The following KCNK10 variants were observed in gnomAD, a reference collection of about 807,000 sequenced individuals.
KCNK10 encodes the protein potassium channel subfamily K member 10.
KCNK10 carries 25 observed loss-of-function variants against 47.7 expected under a neutral mutation model. That is an observed-to-expected ratio of 0.52 (90% CI 0.38 to 0.73). The LOEUF is 0.73. KCNK10 is among the 30% of genes least tolerant of loss of function. KCNK10 has a pLI of 0.00. For synonymous variants in KCNK10, 303 were observed against 285.6 expected (o/e 1.06, Z -0.61); for missense variants, 563 against 714.5 (o/e 0.79, Z 2.42).
chr14:88,285,252 C>G (rs1157372327), intron 1 of KCNK10, among the ~76,000 whole-genome samples: 1 of 152,072 alleles, frequency 6.6e-6, no homozygotes, highest in Non-Finnish European at 1.5e-5. Context: ...GCTGGGATTA[C>G]AGGCGCGCAC....
Position 88,213,955 on chromosome 14 carries a change from T to C in KCNK10, c.681+13420A>G, listed in dbSNP as rs12884507. On this transcript the variant is annotated intron_variant, in intron 4 of 6. Transcript: ENST00000319231. ...ATTATTATTATTATTATTATTATTA[T>C]TGAGACAGAGTTTCACTCGTGTTGC... is the stretch of plus-strand genomic sequence containing the variant. 8.0e-3 allele frequency among the ~76,000 whole-genome samples: 1,161 copies of C among 144,302 alleles called. 35 individuals are homozygous for C. The highest frequency in any genetic ancestry group is 0.044 in the Admixed American group (638 of 14,604). The allele number at this position is 144,302 out of a possible 152,430, so 94.7% of individuals were successfully genotyped here.
chr14:88,323,349 C>T (rs1392531194), upstream of KCNK10: 70 of 936,958 alleles, frequency 7.5e-5, no homozygotes, highest in Non-Finnish European at 8.5e-5. Context: ...CCCGGCGACG[C>T]CCCCCACTTC....
intron 4 of KCNK10, among the ~76,000 whole-genome samples, chr14:88,209,514 G>A (rs1885389471): frequency 6.6e-6 from 1 of 152,262 alleles, no homozygotes; most frequent in African/African-American, 2.4e-5. Context: ...CCTGCCGTCT[G>A]CACTCTTGCT....
At chr14:88,259,907 G>C (rs981856438) in intron 2 of KCNK10, among the ~76,000 whole-genome samples, 1 of 152,288 alleles carries the variant, frequency 6.6e-6, no homozygotes, top group Non-Finnish European at 1.5e-5. Flanking sequence ...TCTTGTGATA[G>C]TGAGTGAGTT....
At chr14:88,238,700 T>C (rs1387005839) in intron 3 of KCNK10, among the ~76,000 whole-genome samples, 1 of 152,128 alleles carries the variant, frequency 6.6e-6, no homozygotes, top group Non-Finnish European at 1.5e-5. Flanking sequence ...AAAATTTCCT[T>C]TGCACTCACA....
intron 1 of KCNK10, among the ~76,000 whole-genome samples, chr14:88,285,454 C>A (rs1887740467): frequency 6.6e-6 from 1 of 152,124 alleles, no homozygotes; most frequent in African/African-American, 2.4e-5. Flanking sequence ...TTGTGAGTGG[C>A]CTCTGTCTCT....
chr14:88,312,322 A>C (rs912620304), intron 1 of KCNK10, among the ~76,000 whole-genome samples: 2 of 152,086 alleles, frequency 1.3e-5, no homozygotes, highest in Non-Finnish European at 2.9e-5. Flanking sequence ...GATTGTAAAA[A>C]AATGTTTACT....
At chr14:88,278,604 A>T (rs1315468677) in intron 1 of KCNK10, among the ~76,000 whole-genome samples, 1 of 152,226 alleles carries the variant, frequency 6.6e-6, no homozygotes, top group East Asian at 1.9e-4. Flanking sequence ...GGAAAACACA[A>T]GAGAAAAACC....
At position 88,183,582 on chromosome 14, in the gene KCNK10, T is replaced by A. The variant is rs567768980; in HGVS notation, c.*1953A>T. 1 of 152,460 alleles carries A rather than the reference T, an allele frequency of 6.6e-6. No homozygotes were observed. Among genetic ancestry groups the A allele is most frequent in the Admixed American group, 6.5e-5 (1 of 15,308 alleles). The allele number at this position is 152,460 out of a possible 1,614,324, so 9.4% of individuals were successfully genotyped here. On this transcript the variant is annotated 3_prime_UTR_variant, in exon 7 of 7. Transcript: ENST00000319231. The stretch of plus-strand genomic sequence containing the variant: ...TAAACATCGCCTCCCAAGTGACTAT[T>A]TATTACTGAGTCGACACAGGATGTC...
intron 5 of KCNK10, among the ~76,000 whole-genome samples, chr14:88,189,183 G>A (rs897469912): frequency 2.0e-5 from 3 of 152,174 alleles, no homozygotes; most frequent in African/African-American, 7.2e-5. Context: ...CAAGAAATGT[G>A]ACCTGTGGCT....
chr14:88,255,181 T>C (rs1194956332), intron 2 of KCNK10, among the ~76,000 whole-genome samples: 2 of 152,126 alleles, frequency 1.3e-5, no homozygotes, highest in Admixed American at 1.3e-4. Flanking sequence ...GCCTTTTCCT[T>C]GGAGTAAAAG....
At chr14:88,213,402 T>A (rs1396101869) in intron 4 of KCNK10, among the ~76,000 whole-genome samples, 1 of 152,168 alleles carries the variant, frequency 6.6e-6, no homozygotes, top group African/African-American at 2.4e-5. Flanking sequence ...TGAAAATTGG[T>A]GATAAAGCAT....
chr14:88,284,228 G>A (rs1453434196), intron 1 of KCNK10, among the ~76,000 whole-genome samples: 1 of 151,996 alleles, frequency 6.6e-6, no homozygotes, highest in African/African-American at 2.4e-5. Context: ...TCCAGAACCT[G>A]GATTCTAGTG....
intron 4 of KCNK10, among the ~76,000 whole-genome samples, chr14:88,223,213 C>A (rs574671730): frequency 2.0e-5 from 3 of 152,248 alleles, no homozygotes; most frequent in South Asian, 2.1e-4. Context: ...GACTGTCCAA[C>A]CTTGGACTGG....
At chr14:88,207,060 A>G (rs913463874) in intron 4 of KCNK10, among the ~76,000 whole-genome samples, 4 of 152,206 alleles carry the variant, frequency 2.6e-5, no homozygotes, top group African/African-American at 7.2e-5. Context: ...GCAGCTCCCT[A>G]CAGACCCATC....
chr14:88,199,004 C>A (rs1230237989), intron 4 of KCNK10, among the ~76,000 whole-genome samples: 1 of 151,532 alleles, frequency 6.6e-6, no homozygotes, highest in African/African-American at 2.4e-5. Flanking sequence ...ACTGCAACTT[C>A]CGCCTCCCAG....
Position 88,186,063 on chromosome 14 carries a change from G to C in KCNK10, c.1104C>G (p.His368Gln), listed in dbSNP as rs201640910. 5.0e-6 allele frequency: 8 copies of C among 1,612,866 alleles called. No individual in the cohort carries two copies. Among genetic ancestry groups the C allele is most frequent in the Non-Finnish European group, 6.8e-6 (8 of 1,179,962 alleles). ...ETRRRLSVEI[H>Q]DKLQRAATIR... ...TGGTGGCCGCCCGCTGCAGCTTATC[G>C]TGGATCTCCACGCTGAGCCTTCGCC... The change falls in exon 7 of 7, where the codon CAC becomes CAG. Residue 368 changes from histidine (H) to glutamine (Q), a missense_variant. Coordinates refer to ENST00000319231, the MANE Select transcript of KCNK10 (RefSeq NM_138317.3). The surrounding 1 kb of genome is among the most constrained non-coding windows in gnomAD (Gnocchi z 5.5).
Position 88,208,664 on chromosome 14 carries a change from A to G in KCNK10, c.682-16254T>C, listed in dbSNP as rs969017340. The stretch of plus-strand genomic sequence containing the variant: ...TGGTGCCAACTCTGTTATAGTACAC[A>G]GCAAAATTTATTTTTTAAAAAAAAT... On this transcript the variant is annotated intron_variant, in intron 4 of 6. Coordinates refer to ENST00000319231, the MANE Select transcript of KCNK10 (RefSeq NM_138317.3). Among the ~76,000 whole-genome samples the G allele has an allele frequency of 2.6e-5, 4 of 152,312 alleles. No homozygotes were observed. In the South Asian group the frequency reaches 8.3e-4, roughly 32 times the overall value.
At chr14:88,323,461 C>T (rs886943060), upstream of KCNK10, among the ~76,000 whole-genome samples, 101 of 149,420 alleles carry the variant, frequency 6.8e-4, no homozygotes, top group Non-Finnish European at 1.3e-3. Flanking sequence ...CGCGCCCCGG[C>T]AAGAGGGAGC....
Sources: allele counts gnomAD v4.1 joint callset (sites outside exome capture counted in the v4.1 genomes callset), GRCh38; gene constraint gnomAD v4.1.1; non-coding constraint Gnocchi (gnomAD v3.1); transcripts MANE v1.5; gene names NCBI Gene and HGNC (gene_info 2026-07-23, HGNC 2026-07-21).